The following EXOC2 variants were observed in gnomAD, a reference collection of about 807,000 sequenced individuals.
EXOC2 encodes the protein exocyst complex component 2.
EXOC2 carries 70 observed loss-of-function variants against 131.8 expected under a neutral mutation model. That is an observed-to-expected ratio of 0.53 (90% CI 0.44 to 0.65). The LOEUF (loss-of-function observed/expected upper bound fraction) is 0.65, where lower values mean the gene tolerates loss of function less well. Among genes scored for constraint, EXOC2 ranks in the 30% least tolerant of loss-of-function variants. The probability of loss-of-function intolerance (pLI) is 0.00; values close to 1 mark genes in which losing one functional copy is unlikely to be tolerated. For missense variants in EXOC2, 923 were observed against 1,108.6 expected, an observed-to-expected ratio of 0.83 and a Z score of 2.38; for synonymous variants, 411 against 398.4, an observed-to-expected ratio of 1.03 and a Z score of -0.38.
intron 1 of EXOC2, among the ~76,000 whole-genome samples, chr6:690,434 G>A (rs1196945860): frequency 2.6e-5 from 4 of 152,174 alleles, no homozygotes; most frequent in African/African-American, 4.8e-5. Flanking sequence ...TTCCCGGCCC[G>A]GCGCAGGGGT....
At chr6:640,519 C>A (rs1762307103) in intron 1 of EXOC2, among the ~76,000 whole-genome samples, 1 of 152,160 alleles carries the variant, frequency 6.6e-6, no homozygotes, top group East Asian at 1.9e-4. Flanking sequence ...TTAAACCCAG[C>A]CCCAGTACCC....
intron 11 of EXOC2, among the ~76,000 whole-genome samples, chr6:577,891 T>C (rs905338904): frequency 1.3e-5 from 2 of 152,306 alleles, no homozygotes; most frequent in South Asian, 4.1e-4. Flanking sequence ...TTACACAAGG[T>C]CACCTCTTCC....
intron 1 of EXOC2, among the ~76,000 whole-genome samples, chr6:642,011 T>G (rs1389130881): frequency 6.6e-6 from 1 of 152,150 alleles, no homozygotes; most frequent in Non-Finnish European, 1.5e-5. Flanking sequence ...CTGTCACAGC[T>G]AGACCCGTCC....
intron 1 of EXOC2, among the ~76,000 whole-genome samples, chr6:639,116 G>C (rs186571679): frequency 4.3e-4 from 65 of 152,214 alleles, no homozygotes; most frequent in Middle Eastern, 3.4e-3. Context: ...GTCTGGAGAA[G>C]AGAAGTTTAG....
chr6:689,824 C>T (rs1474354039), intron 1 of EXOC2, among the ~76,000 whole-genome samples: 1 of 152,186 alleles, frequency 6.6e-6, no homozygotes, highest in Non-Finnish European at 1.5e-5. Flanking sequence ...TAACACAACA[C>T]AAGTGCTATA....
At chr6:649,498 G>A (rs935595171) in intron 1 of EXOC2, among the ~76,000 whole-genome samples, 5 of 151,186 alleles carry the variant, frequency 3.3e-5, no homozygotes, top group African/African-American at 4.9e-5. Flanking sequence ...CATTACCAAA[G>A]AGAATTACTG....
rs1418699319 is a variant in EXOC2, at chr6:666,726, C to T, written c.-44+26293G>A. On this transcript the variant is annotated intron_variant, in intron 1 of 27. Transcript: ENST00000230449. Reference sequence around the variant, plus strand: ...GTAAGTTCCATAGTTTACACTGGGGCTCTTTGTGTGGTACATTCTATGAGT... The same window carrying T: ...GTAAGTTCCATAGTTTACACTGGGGTTCTTTGTGTGGTACATTCTATGAGT... Among the ~76,000 whole-genome samples the T allele has an allele frequency of 9.3e-5, 9 of 97,122 alleles. 1 individual carries two copies. Among genetic ancestry groups the T allele is most frequent in the African/African-American group, 2.7e-4 (9 of 32,768 alleles). 63.7% of individuals were successfully genotyped at this position (97,122 alleles called of 152,430 possible). A position where few individuals can be genotyped will look rare whatever the true frequency, so the allele number is the denominator to read the frequency against.
chr6:610,039 T>C (rs1313012774), intron 7 of EXOC2, 59 bp downstream of exon 7: 28 of 1,501,500 alleles, frequency 1.9e-5, no homozygotes, highest in Non-Finnish European at 2.3e-5. Context: ...GTCCAAGAAC[T>C]AATTTTAAAG....
At chr6:492,339 G>A (rs986752563) in intron 25 of EXOC2, among the ~76,000 whole-genome samples, 17 of 152,178 alleles carry the variant, frequency 1.1e-4, no homozygotes, top group Non-Finnish European at 1.5e-4. Flanking sequence ...TTGGAGAACC[G>A]TCTGGCAGTT....
chr6:675,125 T>G (rs945154206), intron 1 of EXOC2, among the ~76,000 whole-genome samples: 1 of 152,158 alleles, frequency 6.6e-6, no homozygotes, highest in African/African-American at 2.4e-5. Flanking sequence ...TTGCCCACCC[T>G]CTTGGAACTG....
intron 25 of EXOC2, among the ~76,000 whole-genome samples, chr6:495,544 ATAAC>A (rs1263983264): frequency 1.3e-5 from 2 of 152,226 alleles, no homozygotes; most frequent in African/African-American, 4.8e-5. Context: ...TCTTGCTTAA[ATAAC>A]TAGGATCGGA....
chr6:677,927 T>C lies in EXOC2; in HGVS notation c.-44+15092A>G, dbSNP rs1320131604. Among the ~76,000 whole-genome samples the C allele has an allele frequency of 2.7e-5, 3 of 111,834 alleles. No homozygotes were observed. The South Asian group carries it at 8.8e-4, about 33-fold the overall frequency. 73.4% of individuals were successfully genotyped at this position (111,834 alleles called of 152,430 possible). The stretch of plus-strand genomic sequence containing the variant: ...CAGTTTGCATCAGGGGCTGTGCTTA[T>C]AATCTCTCACACACACACACACACA... On this transcript the variant is annotated intron_variant, in intron 1 of 27. Coordinates refer to ENST00000230449, the MANE Select transcript of EXOC2 (RefSeq NM_018303.6).
chr6:692,895 C>A (rs137989155), intron 1 of EXOC2, 124 bp downstream of exon 1: 16 of 151,760 alleles, frequency 1.1e-4, no homozygotes, highest in African/African-American at 3.9e-4. Flanking sequence ...ACCGACGGCG[C>A]CAGTGGGCGC....
chr6:596,902 T>C (rs1334953873), intron 10 of EXOC2, among the ~76,000 whole-genome samples: 1 of 152,214 alleles, frequency 6.6e-6, no homozygotes, highest in African/African-American at 2.4e-5. Context: ...ATATGCTTTA[T>C]CTCCAAACCC....
intron 5 of EXOC2, among the ~76,000 whole-genome samples, chr6:618,272 T>C (rs1761111748): frequency 6.6e-6 from 1 of 152,210 alleles, no homozygotes; most frequent in Non-Finnish European, 1.5e-5. Context: ...ACACTAAGCA[T>C]AATGTTATAC....
At chr6:503,409 T>C (rs963307318) in intron 23 of EXOC2, among the ~76,000 whole-genome samples, 8 of 152,332 alleles carry the variant, frequency 5.3e-5, no homozygotes, top group African/African-American at 1.9e-4. Flanking sequence ...ATATGCAGGA[T>C]GGCCATATGA....
intron 23 of EXOC2, among the ~76,000 whole-genome samples, chr6:531,913 A>G (rs1168065763): frequency 5.3e-5 from 8 of 152,254 alleles, no homozygotes; most frequent in African/African-American, 1.9e-4. Context: ...TTAAAAATAT[A>G]TATTTTGAAG....
At chr6:692,115 T>A (rs1764955175) in intron 1 of EXOC2, among the ~76,000 whole-genome samples, 1 of 151,576 alleles carries the variant, frequency 6.6e-6, no homozygotes, top group Non-Finnish European at 1.5e-5. Flanking sequence ...CAATATTGCA[T>A]AGTGCACACA....
intron 11 of EXOC2, 39 bp from the exon 12 acceptor site, chr6:576,921 GCT>G: frequency 6.3e-7 from 1 of 1,596,838 alleles, no homozygotes; most frequent in Non-Finnish European, 8.6e-7. Flanking sequence ...TATATAGCAT[GCT>G]CTATATACTC....
Sources: allele counts gnomAD v4.1 joint callset (sites outside exome capture counted in the v4.1 genomes callset), GRCh38; gene constraint gnomAD v4.1.1; transcripts MANE v1.5; gene names NCBI Gene and HGNC (gene_info 2026-07-23, HGNC 2026-07-21).